Variants in TTN observed in about 807,000 individuals in gnomAD.
TTN encodes the protein titin.
In TTN, 1,525 loss-of-function variants were observed where a neutral mutation model predicts 3,223.0. That is an observed-to-expected ratio of 0.47 (90% CI 0.45 to 0.49). The LOEUF is 0.49. TTN is among the 20% of genes least tolerant of loss of function. The pLI, the probability that TTN is intolerant of heterozygous loss-of-function variation, is 0.00. For synonymous variants in TTN, 14,094 were observed against 15,161.0 expected (o/e 0.93, Z 5.17); for missense variants, 40,786 against 43,424.0 (o/e 0.94, Z 5.40).
chr2:178,785,799 G>A, intron 14 of TTN, 49 bp downstream of exon 14: 1 of 1,614,126 alleles, frequency 6.2e-7, no homozygotes, highest in Non-Finnish European at 8.5e-7. Flanking sequence ...ACAGCAGTGA[G>A]GCTTGCTTTA....
intron 279 of TTN, 31 bp from the exon 280 acceptor site, chr2:178,605,326 CA>C (rs1162957756): frequency 6.5e-7 from 1 of 1,537,948 alleles, no homozygotes; most frequent in African/African-American, 1.4e-5. Flanking sequence ...AAAACAGTAA[CA>C]AAGTCATAAG....
In TTN at chr2:178,624,736, A is replaced by C; in HGVS notation, c.44549-5T>G. 6.2e-7 allele frequency: 1 copy of C among 1,611,882 alleles called. No individual in the cohort carries two copies. Among genetic ancestry groups the C allele is most frequent in the South Asian group, 1.1e-5 (1 of 90,956 alleles). On this transcript the variant is annotated splice_polypyrimidine_tract_variant and splice_region_variant and intron_variant, in intron 241 of 362. Transcript: ENST00000589042. ...TAGTGAATTCAACTGGGGGTTCTGA[A>C]AGAATCATACTCATTAGCCAAGGTA...
At chr2:178,617,557 C>G (rs746842546) in intron 253 of TTN, 45 bp from the exon 254 acceptor site, 5 of 1,518,232 alleles carry the variant, frequency 3.3e-6, no homozygotes, top group Non-Finnish European at 4.4e-6. Context: ...ACGTTAGTGA[C>G]AATTTATGAA....
chr2:178,616,615 G>T lies in TTN; in HGVS notation c.48176C>A (p.Pro16059His). 6.2e-7 allele frequency: 1 copy of T among 1,611,940 alleles called. No individual in the cohort carries two copies. Among genetic ancestry groups the T allele is most frequent in the East Asian group, 2.2e-5 (1 of 44,620 alleles). Residue 16059 changes from proline to histidine, a missense_variant, in exon 257 of 363, where the codon CCC (proline) becomes CAC (histidine). Physicochemically the swap from Pro to His is moderately conservative, Grantham distance 77. Transcript: ENST00000589042. ...TATATCACCAAATTTCAATTCTTTGGGTGCACTTGGGCGAGCTGAAAAAAA... is the reference window on the plus strand; with the variant it reads ...TATATCACCAAATTTCAATTCTTTGTGTGCACTTGGGCGAGCTGAAAAAAA... ...DVNVIARPSA[P>H]KELKFGDITK...
intron 228 of TTN, 121 bp downstream of exon 228, chr2:178,635,044 G>A: frequency 6.9e-7 from 1 of 1,445,340 alleles, no homozygotes; most frequent in Non-Finnish European, 9.3e-7. Context: ...CCTTCTTGGA[G>A]ACTTTAGAAG....
rs774127278 is a variant in TTN at position 178,629,443 on chromosome 2, G to A, written c.44282C>T (p.Pro14761Leu). 5 of 1,612,762 alleles carry A rather than the reference G, an allele frequency of 3.1e-6. 1 individual carries two copies. In the South Asian group the frequency reaches 5.5e-5, roughly 18 times the overall value. The part of the protein sequence containing the change: ...VKSSAHLRVK[P>L]RVIGLLRPLK... ...AGGCCTCAGAAGACCAATTACTCGT[G>A]CTTTTCGAGAGGGAAGAAACAGCTT... Residue 14761 changes from proline to leucine, a missense_variant and splice_region_variant, in exon 240 of 363, where the codon CCA (proline) becomes CTA (leucine). Pro to Leu is a moderately conservative substitution (Grantham distance 98). Transcript: ENST00000589042.
chr2:178,664,940 A>C lies in TTN; in HGVS notation c.36044-14T>G, dbSNP rs1317839326. 4 of 1,598,074 alleles carry C rather than the reference A, an allele frequency of 2.5e-6. No homozygotes were observed. The highest frequency in any genetic ancestry group is 3.4e-6 in the Non-Finnish European group (4 of 1,172,562). On this transcript the variant is annotated splice_polypyrimidine_tract_variant and intron_variant, in intron 165 of 362. Coordinates refer to ENST00000589042, the MANE Select transcript of TTN (RefSeq NM_001267550.2). Reference sequence around the variant, plus strand: ...GAGCTTCGGGCGCTTGAAAGATATTAGCAATTCACATTTAAGAGTTAAAAT... The same window carrying C: ...GAGCTTCGGGCGCTTGAAAGATATTCGCAATTCACATTTAAGAGTTAAAAT...
chr2:178,528,216 C>CA lies in TTN; in HGVS notation c.107377+57dup, dbSNP rs560208528. On this transcript the variant is annotated intron_variant, in intron 361 of 362. Coordinates refer to ENST00000589042, the MANE Select transcript of TTN (RefSeq NM_001267550.2). ...GAGTTTTCTGTGCTTGAAAGAGAGG[C>CA]AAAAAAACGATCTAAAGGCCTTAAA... 6.0e-4 allele frequency: 929 copies of CA among 1,538,730 alleles called. 2 individuals are homozygous for CA. Among genetic ancestry groups the CA allele is most frequent in the South Asian group, 1.2e-3 (91 of 78,054 alleles).
Position 178,579,012 on chromosome 2 carries a change from C to A in TTN, c.68018G>T (p.Gly22673Val). ...TAGGATATAGTTGGTGATTTCAGAACCTCCATCATCCTTTGGAGGAGCCCA... is the reference window on the plus strand; with the variant it reads ...TAGGATATAGTTGGTGATTTCAGAAACTCCATCATCCTTTGGAGGAGCCCA... ...LKWAPPKDDG[G>V]SEITNYILEK... Residue 22673 changes from glycine to valine, a missense_variant, in exon 320 of 363, where the codon GGT (glycine) becomes GTT (valine). Gly to Val is a moderately radical substitution (Grantham distance 109). Coordinates refer to ENST00000589042, the MANE Select transcript of TTN (RefSeq NM_001267550.2). 3 of 1,613,204 alleles carry A rather than the reference C, an allele frequency of 1.9e-6. No individual in the cohort carries two copies. Among genetic ancestry groups the A allele is most frequent in the Non-Finnish European group, 2.5e-6 (3 of 1,179,488 alleles).
At position 178,647,089 on chromosome 2, in the gene TTN, A is replaced by G; in HGVS notation, c.40197T>C (p.Gly13399=). ...IYEEKASITI[G]RKETPPVEER... is the part of the protein sequence containing the mutation. ...CTTCAACAGGGGGAGTCTCTTTTCT[A>G]CCAATGGTTATAGATGCTTTTTCTT... The change falls in exon 215 of 363, where the codon GGT becomes GGC. Residue 13399 remains glycine (G), a synonymous_variant. Transcript: ENST00000589042. 2.2e-6 allele frequency: 3 copies of G among 1,381,496 alleles called. No individual in the cohort carries two copies. The highest frequency in any genetic ancestry group is 1.9e-6 in the Non-Finnish European group (2 of 1,054,892). 85.6% of individuals were successfully genotyped at this position (1,381,496 alleles called of 1,614,324 possible).
At chr2:178,766,644 C>A (rs371198454) in intron 40 of TTN, 32 bp from the exon 41 acceptor site, 1 of 1,568,096 alleles carries the variant, frequency 6.4e-7, no homozygotes, top group African/African-American at 1.4e-5. Context: ...AAAACAACAA[C>A]AACAACAAAA....
chr2:178,701,934 A>C (rs1211459019), intron 109 of TTN, 106 bp downstream of exon 109: 2 of 1,142,906 alleles, frequency 1.7e-6, no homozygotes, highest in African/African-American at 3.1e-5. Flanking sequence ...AAAATATTTT[A>C]CCCAAAAGAG....
chr2:178,783,682 T>C (rs1249780367), intron 17 of TTN, 38 bp downstream of exon 17: 2 of 1,537,332 alleles, frequency 1.3e-6, no homozygotes, highest in African/African-American at 1.4e-5. Flanking sequence ...TTTGAGGAGA[T>C]ATGAATAGGG....
intron 312 of TTN, 169 bp downstream of exon 312, chr2:178,583,438 A>T: frequency 3.4e-6 from 3 of 870,864 alleles, no homozygotes; most frequent in Non-Finnish European, 4.9e-6. Context: ...CTTGCTTTTT[A>T]ATTTAGCATG....
In TTN at chr2:178,608,656, C is replaced by A; in HGVS notation, c.52355G>T (p.Gly17452Val). 6.2e-7 allele frequency: 1 copy of A among 1,611,982 alleles called. No homozygotes were observed. Among genetic ancestry groups the A allele is most frequent in the Non-Finnish European group, 8.5e-7 (1 of 1,178,976 alleles). The change falls in exon 274 of 363, where the codon GGG (glycine) becomes GTG (valine). Residue 17452 changes from glycine to valine, a missense_variant. Coordinates refer to ENST00000589042, the MANE Select transcript of TTN (RefSeq NM_001267550.2). ...LFRVRAENRF[G>V]PGPPCVSKPL... Reference sequence around the variant, plus strand: ...CTTTGAAACACATGGTGGACCTGGCCCAAATCTGTTTTCAGCTCTTACACG... The same window carrying A: ...CTTTGAAACACATGGTGGACCTGGCACAAATCTGTTTTCAGCTCTTACACG...
intron 8 of TTN, 46 bp from the exon 9 acceptor site, chr2:178,793,587 A>G (rs2093624459): frequency 6.2e-7 from 1 of 1,609,604 alleles, no homozygotes; most frequent in Non-Finnish European, 8.5e-7. Flanking sequence ...TGCATCTTAC[A>G]TAAAAATTAG....
chr2:178,686,084 A>G, intron 127 of TTN, among the ~76,000 whole-genome samples: 1 of 131,366 alleles, frequency 7.6e-6, no homozygotes, highest in East Asian at 2.3e-4. Context: ...GCTTCACATG[A>G]TTTTTGAGCC....
chr2:178,596,242 T>G (rs2051586876), intron 294 of TTN, among the ~76,000 whole-genome samples: 1 of 151,966 alleles, frequency 6.6e-6, no homozygotes, highest in Non-Finnish European at 1.5e-5. Flanking sequence ...CCACCTGCCT[T>G]GGCCTCCCAA....
At position 178,735,576 on chromosome 2, in the gene TTN, G is replaced by C. The variant is rs72648925; in HGVS notation, c.14870C>G (p.Thr4957Ser). The C allele has an allele frequency of 3.0e-3, 4,814 of 1,612,960 alleles. 22 individuals are homozygous for C. Among genetic ancestry groups the C allele is most frequent in the Middle Eastern group, 0.021 (127 of 6,054 alleles). ...CTCATTTGAAGCTGTACAGACATAG[G>C]TTCCTGAATCTTTCAGTTTGGCCAA... Reference protein sequence around the residue: ...IPLAKLKDSGTYVCTASNEAG... With the variant: ...IPLAKLKDSGSYVCTASNEAG... Residue 4957 changes from threonine to serine, a missense_variant, in exon 50 of 363, where the codon ACC becomes AGC. Transcript: ENST00000589042.
Sources: gnomAD v4.1 joint callset for allele counts (sites outside exome capture counted in the v4.1 genomes callset) on GRCh38, gnomAD v4.1.1 for gene constraint, MANE v1.5 for transcripts, NCBI Gene and HGNC (gene_info 2026-07-23, HGNC 2026-07-21) for gene names.